Variants in TIMMDC1 observed in about 807,000 individuals in gnomAD.
The protein encoded by TIMMDC1 is complex I assembly factor TIMMDC1, mitochondrial.
A neutral mutation model predicts 32.6 loss-of-function variants in TIMMDC1; 25 were observed. The ratio of observed to expected loss-of-function variants is 0.77; its 90% CI spans 0.56 to 1.07. The LOEUF is 1.07. Ranked by LOEUF, TIMMDC1 falls within the 50% of genes least tolerant of loss-of-function variation. TIMMDC1 has a pLI of 0.00. For synonymous variants in TIMMDC1, 130 were observed against 127.6 expected (o/e 1.02, Z -0.13); for missense variants, 329 against 349.2 (o/e 0.94, Z 0.46).
At chr3:119,514,423 A>C (rs949875873) in intron 5 of TIMMDC1, among the ~76,000 whole-genome samples, 16 of 152,150 alleles carry the variant, frequency 1.1e-4, no homozygotes, top group African/African-American at 3.6e-4. Context: ...GATGAAGAAT[A>C]CTCTTCCATG....
intron 5 of TIMMDC1, among the ~76,000 whole-genome samples, chr3:119,514,379 T>TATATATATATATATATATATATA (rs2081972697): frequency 2.6e-5 from 4 of 152,326 alleles, no homozygotes; most frequent in African/African-American, 9.6e-5. Context: ...CTCATGATAC[T>TATATATATATATATATATATATA]TCACCCCCAT....
chr3:119,515,467 C>T (rs1257708913), intron 5 of TIMMDC1, among the ~76,000 whole-genome samples: 3 of 152,166 alleles, frequency 2.0e-5, no homozygotes, highest in Non-Finnish European at 4.4e-5. Context: ...CTCAGATAGC[C>T]ATCTCCTTTT....
At position 119,498,557 on chromosome 3, in the gene TIMMDC1, C is replaced by A; in HGVS notation, c.-177C>A. 1 of 615,700 alleles carries A rather than the reference C, an allele frequency of 1.6e-6. No homozygotes were observed. The highest frequency in any genetic ancestry group is 1.9e-5 in the African/African-American group (1 of 53,982). 38.1% of individuals were successfully genotyped at this position (615,700 alleles called of 1,614,324 possible). On this transcript the variant is annotated 5_prime_UTR_variant, in exon 1 of 7. Transcript: ENST00000494664. ...GGCGGGACTTCCTGTGTCGTATTTC[C>A]AAGGACTCCAAAGCGAGGCCGGGGA...
chr3:119,503,451 C>A, intron 2 of TIMMDC1, 81 bp from the exon 3 acceptor site: 4 of 1,047,002 alleles, frequency 3.8e-6, no homozygotes, highest in Non-Finnish European at 5.5e-6. Context: ...TAATCCATAG[C>A]TAAAATTCCT....
In TIMMDC1 at chr3:119,499,110, T is replaced by TC. The variant is rs1443651495; in HGVS notation, c.194+185dup. On this transcript the variant is annotated intron_variant, in intron 1 of 6. Coordinates refer to ENST00000494664, the MANE Select transcript of TIMMDC1 (RefSeq NM_016589.4). ...TTTCTTTCTTTTTTTTTTTTTTTTT[T>TC]CCAGACAGGGTCTTGCTCTGTCGCC... Among the ~76,000 whole-genome samples the TC allele has an allele frequency of 4.0e-5, 5 of 126,504 alleles. No individual in the cohort carries two copies. The South Asian group carries it at 1.0e-3, about 26-fold the overall frequency. The allele number at this position is 126,504 out of a possible 152,430, so 83.0% of individuals were successfully genotyped here.
At chr3:119,506,000 G>C (rs115122215) in intron 4 of TIMMDC1, among the ~76,000 whole-genome samples, 2,506 of 152,146 alleles carry the variant, frequency 0.016, 27 homozygotes, top group Non-Finnish European at 0.023. Context: ...TTGCTATACA[G>C]ATTCTTTCAT....
At chr3:119,508,470 T>A (rs1373017598) in intron 4 of TIMMDC1, among the ~76,000 whole-genome samples, 1 of 152,258 alleles carries the variant, frequency 6.6e-6, no homozygotes, top group African/African-American at 2.4e-5. Flanking sequence ...TTTAGCTTTT[T>A]ACTTGTTGTT....
In TIMMDC1 at chr3:119,523,629, A is replaced by G; in HGVS notation, c.731A>G (p.Glu244Gly). Residue 244 changes from glutamate to glycine, a missense_variant, in exon 7 of 7, where the codon GAG becomes GGG. Transcript: ENST00000494664. ...AGGAAAGGCAGACTACAAGTTACTG[A>G]GCACCTCCCTGAGAAAATTGAAAGT... ...EEWKGRLQVT[E>G]HLPEKIESSL... The G allele has an allele frequency of 6.2e-7, 1 of 1,610,256 alleles. No individual in the cohort carries two copies. Among genetic ancestry groups the G allele is most frequent in the Non-Finnish European group, 8.5e-7 (1 of 1,178,552 alleles).
At chr3:119,516,953 G>C (rs780209416) in intron 5 of TIMMDC1, among the ~76,000 whole-genome samples, 1 of 152,098 alleles carries the variant, frequency 6.6e-6, no homozygotes, top group Admixed American at 6.5e-5. Context: ...CCAGTTTCTA[G>C]ATCTGTTGTT....
intron 6 of TIMMDC1, among the ~76,000 whole-genome samples, chr3:119,519,849 T>C (rs1227532918): frequency 6.6e-6 from 1 of 152,190 alleles, no homozygotes; most frequent in Non-Finnish European, 1.5e-5. Flanking sequence ...GGATAAACCA[T>C]ATGTTAGGCT....
chr3:119,512,265 A>AGTTTTTGT (rs2081957231), intron 4 of TIMMDC1, among the ~76,000 whole-genome samples: 1 of 152,010 alleles, frequency 6.6e-6, no homozygotes, highest in African/African-American at 2.4e-5. Context: ...CCATGGCCCC[A>AGTTTTTGT]GTTTTTGTGT....
At position 119,523,807 on chromosome 3, in the gene TIMMDC1, C is replaced by T. The variant is rs1396262664; in HGVS notation, c.*51C>T. 1 of 1,477,502 alleles carries T rather than the reference C, an allele frequency of 6.8e-7. No homozygotes were observed. Among genetic ancestry groups the T allele is most frequent in the Non-Finnish European group, 9.0e-7 (1 of 1,110,532 alleles). The allele number at this position is 1,477,502 out of a possible 1,614,324, so 91.5% of individuals were successfully genotyped here. ...GGAGAGCTGAAGGGAGCTGCCATGT[C>T]CGATGAATGCCAACAGACAGGCCAC... is the stretch of plus-strand genomic sequence containing the variant. On this transcript the variant is annotated 3_prime_UTR_variant, in exon 7 of 7. Transcript: ENST00000494664.
In TIMMDC1 at chr3:119,500,857, T is replaced by C; in HGVS notation, c.357T>C (p.Ala119=). The C allele has an allele frequency of 1.9e-6, 3 of 1,613,680 alleles. No homozygotes were observed. The highest frequency in any genetic ancestry group is 2.5e-6 in the Non-Finnish European group (3 of 1,179,744). Reference sequence around the variant, plus strand: ...AAATTTATCATAACCGGTTTGATGCTGTGGTATGTACTGGTGATCTAAAGA... The same window carrying C: ...AAATTTATCATAACCGGTTTGATGCCGTGGTATGTACTGGTGATCTAAAGA... ...QAEIYHNRFD[A]VQSAHRAATR... is the part of the protein sequence containing the mutation. The change falls in exon 2 of 7, where the codon GCT becomes GCC. Residue 119 remains alanine (A), a synonymous_variant. Coordinates refer to ENST00000494664, the MANE Select transcript of TIMMDC1 (RefSeq NM_016589.4).
chr3:119,500,984 G>A, intron 2 of TIMMDC1, 124 bp downstream of exon 2: 2 of 966,562 alleles, frequency 2.1e-6, no homozygotes, highest in South Asian at 1.8e-5. Flanking sequence ...AAGAAATAAA[G>A]TCTGTACTTA....
chr3:119,524,475 T>G lies in TIMMDC1; in HGVS notation c.*719T>G, dbSNP rs1297047995. 1.3e-5 allele frequency: 2 copies of G among 152,080 alleles called. No individual in the cohort carries two copies. Among genetic ancestry groups the G allele is most frequent in the Non-Finnish European group, 2.9e-5 (2 of 68,022 alleles). 9.4% of individuals were successfully genotyped at this position (152,080 alleles called of 1,614,324 possible). Reference sequence around the variant, plus strand: ...CGGGAAACACTGCTAGTACCTTATGTTGGTGTTAGACCTCTCTGCCCTACA... The same window carrying G: ...CGGGAAACACTGCTAGTACCTTATGGTGGTGTTAGACCTCTCTGCCCTACA... On this transcript the variant is annotated 3_prime_UTR_variant, in exon 7 of 7. Coordinates refer to ENST00000494664, the MANE Select transcript of TIMMDC1 (RefSeq NM_016589.4).
chr3:119,508,417 C>A (rs536440320), intron 4 of TIMMDC1, among the ~76,000 whole-genome samples: 1 of 152,362 alleles, frequency 6.6e-6, no homozygotes, highest in South Asian at 2.1e-4. Flanking sequence ...CATGATCTCA[C>A]TTCTTTGGTG....
In TIMMDC1 at chr3:119,498,552, A is replaced by T. The variant is rs747825186; in HGVS notation, c.-182A>T. ...GGTCGGGCGGGACTTCCTGTGTCGT[A>T]TTTCCAAGGACTCCAAAGCGAGGCC... is the stretch of plus-strand genomic sequence containing the variant. On this transcript the variant is annotated 5_prime_UTR_variant, in exon 1 of 7. Transcript: ENST00000494664. 6.6e-5 allele frequency: 39 copies of T among 594,190 alleles called. No homozygotes were observed. Among genetic ancestry groups the T allele is most frequent in the Non-Finnish European group, 1.1e-4 (37 of 343,506 alleles). 36.8% of individuals were successfully genotyped at this position (594,190 alleles called of 1,614,324 possible).
chr3:119,503,022 T>G (rs769982467), intron 2 of TIMMDC1, among the ~76,000 whole-genome samples: 1 of 152,244 alleles, frequency 6.6e-6, no homozygotes, highest in Non-Finnish European at 1.5e-5. Flanking sequence ...ATTTATCTAT[T>G]TATAATTTAT....
chr3:119,522,621 C>T (rs1419509639), intron 6 of TIMMDC1, among the ~76,000 whole-genome samples: 1 of 152,068 alleles, frequency 6.6e-6, no homozygotes, highest in Admixed American at 6.5e-5. Context: ...ATGCTAATTA[C>T]CCTGATTTGA....
Sources: allele counts gnomAD v4.1 joint callset (sites outside exome capture counted in the v4.1 genomes callset), GRCh38; gene constraint gnomAD v4.1.1; transcripts MANE v1.5; gene names NCBI Gene and HGNC (gene_info 2026-07-23, HGNC 2026-07-21).